Variants in ZCCHC4 observed in about 807,000 individuals in gnomAD.
The protein encoded by ZCCHC4 is zinc finger CCHC-type containing 4, also known as rRNA N(6)-adenosine-methyltransferase ZCCHC4.
In ZCCHC4, 54 loss-of-function variants were observed where a neutral mutation model predicts 67.7. The observed-to-expected ratio is 0.80, with a 90% confidence interval of 0.64 to 1.00. The LOEUF (loss-of-function observed/expected upper bound fraction) is 1.00. Ranked by LOEUF, ZCCHC4 falls within the 50% of genes least tolerant of loss-of-function variation. ZCCHC4 has a pLI of 0.00. For synonymous variants in ZCCHC4, 198 were observed against 213.5 expected (o/e 0.93, Z 0.63); for missense variants, 609 against 617.0 (o/e 0.99, Z 0.14).
At chr4:25,324,016 T>TTTTTTTTTTTTTG (rs1316068546) in intron 3 of ZCCHC4, among the ~76,000 whole-genome samples, 1 of 98,290 alleles carries the variant, frequency 1.0e-5, no homozygotes, top group African/African-American at 4.0e-5. Context: ...TTTTTTGTGT[T>TTTTTTTTTTTTTG]TTTTTTTTTT....
At chr4:25,338,286 G>A (rs1719565592) in intron 5 of ZCCHC4, among the ~76,000 whole-genome samples, 1 of 152,158 alleles carries the variant, frequency 6.6e-6, no homozygotes, top group African/African-American at 2.4e-5. Context: ...TAGAGACGGG[G>A]TTTCACCTTG....
intron 3 of ZCCHC4, among the ~76,000 whole-genome samples, chr4:25,327,409 C>T (rs1718943520): frequency 7.5e-6 from 1 of 133,384 alleles, no homozygotes; most frequent in East Asian, 2.4e-4. Flanking sequence ...TCCTTCCCTC[C>T]TTCCCTCCTT....
At chr4:25,350,327 C>T (rs1229468230) in intron 7 of ZCCHC4, among the ~76,000 whole-genome samples, 1 of 129,162 alleles carries the variant, frequency 7.7e-6, no homozygotes, top group African/African-American at 3.0e-5. Flanking sequence ...GTGGTACAAT[C>T]TCGGCTCACT....
chr4:25,339,381 C>A (rs1719618369), intron 5 of ZCCHC4, among the ~76,000 whole-genome samples: 1 of 152,192 alleles, frequency 6.6e-6, no homozygotes. Context: ...TCCAAAGTGG[C>A]TGCATCATAT....
At chr4:25,351,784 G>A (rs1720311490) in intron 8 of ZCCHC4, 95 bp downstream of exon 8, 2 of 1,192,010 alleles carry the variant, frequency 1.7e-6, no homozygotes, top group Non-Finnish European at 2.4e-6. Flanking sequence ...AAAATACAAT[G>A]AGCTGTATTA....
chr4:25,323,625 A>G (rs1718693681), intron 3 of ZCCHC4, among the ~76,000 whole-genome samples: 1 of 152,256 alleles, frequency 6.6e-6, no homozygotes, highest in South Asian at 2.1e-4. Context: ...ACAGAACTCC[A>G]GGATGGAAGA....
chr4:25,358,330 C>T (rs1484901634), intron 8 of ZCCHC4, among the ~76,000 whole-genome samples: 4 of 152,168 alleles, frequency 2.6e-5, no homozygotes, highest in Non-Finnish European at 5.9e-5. Flanking sequence ...TACCGGTACC[C>T]TGTTCTTAAA....
At chr4:25,314,206 G>A (rs1718125600) in intron 2 of ZCCHC4, 42 bp downstream of exon 2, 2 of 1,358,282 alleles carry the variant, frequency 1.5e-6, no homozygotes, top group South Asian at 1.2e-5. Flanking sequence ...TTTTTGGTAT[G>A]TGTGACAATT....
chr4:25,365,528 A>G, intron 12 of ZCCHC4: 19 of 997,360 alleles, frequency 1.9e-5, no homozygotes, highest in Non-Finnish European at 2.3e-5. Context: ...TCAGATATAG[A>G]CACATGATGG....
intron 1 of ZCCHC4, 92 bp from the exon 2 acceptor site, chr4:25,313,950 TCAAA>T: frequency 2.7e-6 from 2 of 740,732 alleles, no homozygotes; most frequent in Non-Finnish European, 4.6e-6. Flanking sequence ...TGCCTAAAGC[TCAAA>T]CAAATTTTAT....
chr4:25,348,600 G>A (rs1396031998), intron 6 of ZCCHC4, among the ~76,000 whole-genome samples: 2 of 152,094 alleles, frequency 1.3e-5, no homozygotes, highest in Admixed American at 6.6e-5. Context: ...CGTTGTATTA[G>A]GTATTATAAG....
intron 3 of ZCCHC4, among the ~76,000 whole-genome samples, chr4:25,331,504 AC>A (rs1291040819): frequency 6.6e-6 from 1 of 152,096 alleles, no homozygotes; most frequent in East Asian, 1.9e-4. Context: ...TGGAGTCTCA[AC>A]TATGTTGCCC....
intron 12 of ZCCHC4, among the ~76,000 whole-genome samples, chr4:25,366,608 G>A (rs931395842): frequency 4.6e-5 from 7 of 152,158 alleles, no homozygotes; most frequent in Admixed American, 2.0e-4. Context: ...GAGCCACCAC[G>A]CCCAGCCTGA....
intron 3 of ZCCHC4, among the ~76,000 whole-genome samples, chr4:25,331,029 C>T (rs975406138): frequency 6.6e-6 from 1 of 152,060 alleles, no homozygotes; most frequent in East Asian, 1.9e-4. Flanking sequence ...GAATTCTGGC[C>T]GCCTAGCCTC....
chr4:25,352,944 C>A (rs1205418652), intron 8 of ZCCHC4, among the ~76,000 whole-genome samples: 1 of 152,098 alleles, frequency 6.6e-6, no homozygotes, highest in Non-Finnish European at 1.5e-5. Context: ...GTGATTCCAC[C>A]CAAACAGCAG....
intron 5 of ZCCHC4, among the ~76,000 whole-genome samples, chr4:25,341,321 G>A (rs1420544014): frequency 6.6e-6 from 1 of 152,160 alleles, no homozygotes; most frequent in Non-Finnish European, 1.5e-5. Flanking sequence ...CCTAGTGGGA[G>A]GTGTTTGAAT....
Position 25,362,136 on chromosome 4 carries a change from C to T in ZCCHC4, c.1134-90C>T, listed in dbSNP as rs1034041764. The T allele has an allele frequency of 2.4e-5, 35 of 1,451,958 alleles. No homozygotes were observed. The African/African-American group carries it at 4.6e-4, about 19-fold the overall frequency. The allele number at this position is 1,451,958 out of a possible 1,614,324, so 89.9% of individuals were successfully genotyped here. The stretch of plus-strand genomic sequence containing the variant: ...TACTTAATTGAATTCAGATTGCACC[C>T]AGTTTTTGTAATGAGTGCTTTGTAA... On this transcript the variant is annotated intron_variant, in intron 9 of 12. Coordinates refer to ENST00000302874, the MANE Select transcript of ZCCHC4 (RefSeq NM_024936.3).
intron 3 of ZCCHC4, among the ~76,000 whole-genome samples, chr4:25,317,742 G>T (rs1353506493): frequency 6.7e-6 from 1 of 148,714 alleles, no homozygotes; most frequent in East Asian, 1.9e-4. Flanking sequence ...AAAAGAAAAT[G>T]GAGCACTACT....
At chr4:25,349,769 G>T in intron 7 of ZCCHC4, 127 bp downstream of exon 7, 3 of 974,914 alleles carry the variant, frequency 3.1e-6, no homozygotes, top group East Asian at 2.6e-5. Context: ...TTTAAAAACA[G>T]GCTTATTTGA....
Sources: allele counts gnomAD v4.1 joint callset (sites outside exome capture counted in the v4.1 genomes callset), GRCh38; gene constraint gnomAD v4.1.1; transcripts MANE v1.5; gene names NCBI Gene and HGNC (gene_info 2026-07-23, HGNC 2026-07-21).